The following SLC12A2 variants were observed in gnomAD, a reference collection of about 807,000 sequenced individuals.
SLC12A2 encodes solute carrier family 12 member 2, also known as Na-K-2Cl cotransporter 1.
In SLC12A2, 67 loss-of-function variants were observed where a neutral mutation model predicts 136.3. The ratio of observed to expected loss-of-function variants is 0.49; its 90% CI spans 0.40 to 0.60. SLC12A2 has a LOEUF of 0.60. Ranked by LOEUF, SLC12A2 falls within the 20% of genes least tolerant of loss-of-function variation. SLC12A2 has a pLI of 0.00. For missense variants in SLC12A2, 1,322 were observed against 1,534.7 expected, an observed-to-expected ratio of 0.86 and a Z score of 2.32; for synonymous variants, 619 against 562.9, an observed-to-expected ratio of 1.10 and a Z score of -1.41.
intron 17 of SLC12A2, among the ~76,000 whole-genome samples, chr5:128,167,169 G>T (rs1763230965): frequency 1.3e-5 from 2 of 151,918 alleles, no homozygotes; most frequent in South Asian, 4.2e-4. Flanking sequence ...TGCAGATTTT[G>T]GTATCCTGGA....
chr5:128,084,404 G>A lies in SLC12A2; in HGVS notation c.450G>A (p.Ser150=). 6.2e-7 allele frequency: 1 copy of A among 1,610,926 alleles called. No homozygotes were observed. Among genetic ancestry groups the A allele is most frequent in the Non-Finnish European group, 8.5e-7 (1 of 1,178,882 alleles). ...RVNFVDPAAS[S]SAEDSLSDAA... The stretch of plus-strand genomic sequence containing the variant: ...ACTTCGTGGACCCAGCTGCCTCCTC[G>A]TCGGCTGAAGACAGCCTGTCAGATG... Residue 150 remains serine, a synonymous_variant, in exon 1 of 27, where the codon TCG becomes TCA. Transcript: ENST00000262461. The surrounding 1 kb of genome is among the most constrained non-coding windows in gnomAD (Gnocchi z 5.6).
chr5:128,147,786 A>G, intron 11 of SLC12A2, 57 bp downstream of exon 11: 2 of 1,028,814 alleles, frequency 1.9e-6, no homozygotes, highest in Non-Finnish European at 3.0e-6. Context: ...AATACTTCTC[A>G]ATTTAGAATT....
chr5:128,171,792 T>C (rs761826503), intron 19 of SLC12A2, 46 bp downstream of exon 19: 1 of 1,104,796 alleles, frequency 9.1e-7, no homozygotes, highest in Admixed American at 2.3e-5. Flanking sequence ...AAATATAAAC[T>C]ACTTTGTTAG....
At chr5:128,091,913 G>A (rs1760337131) in intron 1 of SLC12A2, among the ~76,000 whole-genome samples, 1 of 152,178 alleles carries the variant, frequency 6.6e-6, no homozygotes, top group Non-Finnish European at 1.5e-5. Flanking sequence ...CAGAATTCTG[G>A]AAACCTGTGG....
chr5:128,123,163 G>A (rs1200337248), intron 4 of SLC12A2, among the ~76,000 whole-genome samples: 1 of 151,894 alleles, frequency 6.6e-6, no homozygotes, highest in Admixed American at 6.6e-5. Flanking sequence ...ATATGTCTTT[G>A]CCTCTTGTAT....
intron 4 of SLC12A2, 114 bp from the exon 5 acceptor site, chr5:128,130,953 G>T (rs1259614020): frequency 1.1e-6 from 1 of 917,794 alleles, no homozygotes. Context: ...CTCTTTAACT[G>T]CTCTGCTTAT....
intron 21 of SLC12A2, among the ~76,000 whole-genome samples, 154 bp downstream of exon 21, chr5:128,177,306 TCTAA>T (rs1347516579): frequency 6.6e-6 from 1 of 152,120 alleles, no homozygotes; most frequent in Non-Finnish European, 1.5e-5. Flanking sequence ...TTATTATTAG[TCTAA>T]CTAAAAAGTT....
chr5:128,089,229 A>C (rs564110923), intron 1 of SLC12A2, among the ~76,000 whole-genome samples: 1 of 151,922 alleles, frequency 6.6e-6, no homozygotes, highest in Admixed American at 6.6e-5. Flanking sequence ...TTTTACAAAA[A>C]GTGCAGCTGG....
Position 128,158,160 on chromosome 5 carries a change from A to G in SLC12A2, c.2471A>G (p.His824Arg), listed in dbSNP as rs1448939390. The G allele has an allele frequency of 5.6e-6, 9 of 1,599,912 alleles. No individual in the cohort carries two copies. The highest frequency in any genetic ancestry group is 5.2e-5 in the Admixed American group (3 of 57,338). ...NVGLMICGHVHMGPRRQAMKE... is the reference protein window; with the variant it reads ...NVGLMICGHVRMGPRRQAMKE... The stretch of plus-strand genomic sequence containing the variant: ...GGTTTGATGATCTGTGGCCATGTAC[A>G]TATGGTAAGTATCAATTTTGTTTTC... The change falls in exon 16 of 27, where the codon CAT becomes CGT. Residue 824 changes from histidine (H) to arginine (R), a missense_variant. This residue lies in a region of SLC12A2 where 294 missense variants were observed against 436.6 expected (regional missense o/e 0.67). Transcript: ENST00000262461.
intron 4 of SLC12A2, among the ~76,000 whole-genome samples, chr5:128,129,273 G>A (rs72794379): frequency 0.11 from 17,326 of 151,856 alleles, 1,056 homozygotes; most frequent in African/African-American, 0.16. Context: ...TAAAACATAC[G>A]TTAGATAAAG....
At chr5:128,124,361 C>G (rs1761699682) in intron 4 of SLC12A2, among the ~76,000 whole-genome samples, 1 of 152,190 alleles carries the variant, frequency 6.6e-6, no homozygotes, top group Admixed American at 6.5e-5. Flanking sequence ...AGAGCTGCAT[C>G]TCACAAGACT....
At position 128,152,803 on chromosome 5, in the gene SLC12A2, T is replaced by A; in HGVS notation, c.2361T>A (p.Phe787Leu). 6.3e-7 allele frequency: 1 copy of A among 1,590,254 alleles called. No homozygotes were observed. The highest frequency in any genetic ancestry group is 8.6e-7 in the Non-Finnish European group (1 of 1,158,300). The change falls in exon 15 of 27, where the codon TTT becomes TTA. Residue 787 changes from phenylalanine to leucine, a missense_variant and splice_region_variant. Phe to Leu is a conservative substitution (Grantham distance 22). Around this residue, in one of 8 missense-constraint regions of SLC12A2, gnomAD observed 294 missense variants for 436.6 expected, o/e 0.67. Transcript: ENST00000262461. Reference protein sequence around the residue: ...LSGVEDHVKNFRPQCLVMTGA... With the variant: ...LSGVEDHVKNLRPQCLVMTGA... Reference sequence around the variant, plus strand: ...GAGTGGAAGACCACGTGAAAAACTTTAGGTAAGTGATAAAGAAGGAAACAT... The same window carrying A: ...GAGTGGAAGACCACGTGAAAAACTTAAGGTAAGTGATAAAGAAGGAAACAT...
intron 9 of SLC12A2, among the ~76,000 whole-genome samples, chr5:128,141,599 T>A (rs1762366239): frequency 6.6e-6 from 1 of 152,212 alleles, no homozygotes; most frequent in South Asian, 2.1e-4. Flanking sequence ...AGTGTTTATG[T>A]GTAAATACTA....
In SLC12A2 at chr5:128,131,043, TTTTG is replaced by T. The variant is rs554786104; in HGVS notation, c.1049-8_1049-5del. The T allele has an allele frequency of 1.3e-4, 215 of 1,606,982 alleles. 1 individual carries two copies. The highest frequency in any genetic ancestry group is 6.6e-4 in the Middle Eastern group (4 of 6,038). On this transcript the variant is annotated intron_variant, in intron 4 of 26. Transcript: ENST00000262461. Reference sequence around the variant, plus strand: ...AAATCCTAACTTTAGTACCTGTTTTTTTTGTTTGTTTGTTTGTTTTTAGGAGGAG... The same window carrying T: ...AAATCCTAACTTTAGTACCTGTTTTTTTTGTTTGTTTGTTTTTAGGAGGAG...
At chr5:128,124,442 G>A (rs1329982806) in intron 4 of SLC12A2, among the ~76,000 whole-genome samples, 1 of 152,182 alleles carries the variant, frequency 6.6e-6, no homozygotes, top group East Asian at 1.9e-4. Flanking sequence ...TATATTGGGG[G>A]TTTCCACAGC....
At chr5:128,176,033 GAAACGTTTATACATTTTA>G (rs1403517303) in intron 20 of SLC12A2, among the ~76,000 whole-genome samples, 14 of 151,846 alleles carry the variant, frequency 9.2e-5, no homozygotes, top group Non-Finnish European at 2.1e-4. Flanking sequence ...AGATACTATA[GAAACGTTTATACATTTTA>G]AAAAGTCTTC....
intron 18 of SLC12A2, chr5:128,169,826 A>C (rs972979041): frequency 2.6e-5 from 4 of 152,054 alleles, no homozygotes; most frequent in African/African-American, 9.7e-5. Flanking sequence ...AGTTGCTCAT[A>C]ATGGAACACT....
At chr5:128,086,257 T>C (rs1760095968) in intron 1 of SLC12A2, among the ~76,000 whole-genome samples, 1 of 152,202 alleles carries the variant, frequency 6.6e-6, no homozygotes, top group Non-Finnish European at 1.5e-5. Context: ...TAAATTAAAT[T>C]ATCTCAATAA....
intron 1 of SLC12A2, among the ~76,000 whole-genome samples, chr5:128,093,855 C>T (rs538535775): frequency 6.6e-6 from 1 of 152,242 alleles, no homozygotes; most frequent in Admixed American, 6.5e-5. Context: ...CAAAACAAAA[C>T]TGATCATTGT....
Sources: allele counts gnomAD v4.1 joint callset (sites outside exome capture counted in the v4.1 genomes callset), GRCh38; gene constraint gnomAD v4.1.1; regional missense constraint gnomAD v4.1.1; non-coding constraint Gnocchi (gnomAD v3.1); transcripts MANE v1.5; gene names NCBI Gene and HGNC (gene_info 2026-07-23, HGNC 2026-07-21).